ITPR2: variants seen among roughly 807,000 people sequenced by gnomAD.
ITPR2 encodes the protein inositol 1,4,5-trisphosphate-gated calcium channel ITPR2.
A neutral mutation model predicts 317.1 loss-of-function variants in ITPR2; 207 were observed. The observed-to-expected ratio is 0.65, with a 90% confidence interval of 0.58 to 0.73. The LOEUF (loss-of-function observed/expected upper bound fraction) is 0.73, where lower values mean the gene tolerates loss of function less well. Among genes scored for constraint, ITPR2 ranks in the 30% least tolerant of loss-of-function variants. ITPR2 has a pLI of 0.00. For missense variants in ITPR2, 2,613 were observed against 3,284.0 expected (o/e 0.80, Z 4.99); for synonymous variants, 1,156 against 1,149.1 (o/e 1.01, Z -0.12).
At chr12:26,718,509 A>G (rs1429534213) in intron 5 of ITPR2, among the ~76,000 whole-genome samples, 1 of 150,328 alleles carries the variant, frequency 6.7e-6, no homozygotes, top group Admixed American at 6.7e-5. Context: ...AAAACTGTAT[A>G]TATATATAAG....
intron 37 of ITPR2, among the ~76,000 whole-genome samples, chr12:26,506,573 C>T (rs988718365): frequency 6.7e-6 from 1 of 149,656 alleles, no homozygotes; most frequent in African/African-American, 2.5e-5. Context: ...TACCTATGGT[C>T]GGCTGAAAGA....
chr12:26,744,019 T>C (rs973682319), intron 2 of ITPR2, among the ~76,000 whole-genome samples: 1 of 152,236 alleles, frequency 6.6e-6, no homozygotes, highest in Admixed American at 6.5e-5. Flanking sequence ...CCATAATTTC[T>C]CTCCTGGCTG....
intron 26 of ITPR2, among the ~76,000 whole-genome samples, chr12:26,608,551 C>T (rs1352387852): frequency 1.3e-5 from 2 of 150,376 alleles, no homozygotes; most frequent in African/African-American, 4.9e-5. Context: ...AAGAGAGGAG[C>T]GCCTCTGCCT....
intron 37 of ITPR2, among the ~76,000 whole-genome samples, chr12:26,540,509 A>C (rs148471754): frequency 6.6e-6 from 1 of 152,108 alleles, no homozygotes; most frequent in East Asian, 1.9e-4. Context: ...TTCACCTACA[A>C]TCATTAGCTA....
chr12:26,666,244 GA>G (rs1377991090), intron 13 of ITPR2, among the ~76,000 whole-genome samples, 193 bp from the exon 14 acceptor site: 10 of 151,932 alleles, frequency 6.6e-5, no homozygotes, highest in Admixed American at 3.9e-4. Context: ...TGAAACACTT[GA>G]AAACAAGGTG....
chr12:26,546,446 T>C (rs939686006), intron 37 of ITPR2, among the ~76,000 whole-genome samples: 10 of 152,198 alleles, frequency 6.6e-5, no homozygotes, highest in Non-Finnish European at 1.5e-4. Context: ...CATGTAGTAT[T>C]TGTCTTTTTG....
intron 2 of ITPR2, among the ~76,000 whole-genome samples, chr12:26,744,021 T>C (rs1469796466): frequency 6.6e-6 from 1 of 152,210 alleles, no homozygotes; most frequent in African/African-American, 2.4e-5. Context: ...ATAATTTCTC[T>C]CCTGGCTGCA....
intron 13 of ITPR2, among the ~76,000 whole-genome samples, chr12:26,677,441 A>G (rs1276120465): frequency 1.3e-5 from 2 of 152,020 alleles, no homozygotes; most frequent in Admixed American, 6.6e-5. Context: ...CTCTAGAAAA[A>G]TCCAAAAAAT....
At chr12:26,421,417 C>T (rs1309073579) in intron 49 of ITPR2, 1 of 152,064 alleles carries the variant, frequency 6.6e-6, no homozygotes, top group Non-Finnish European at 1.5e-5. Context: ...ACTTGGTGTG[C>T]TTTTGTTTTA....
chr12:26,592,209 T>A (rs1945727216), intron 32 of ITPR2, among the ~76,000 whole-genome samples: 1 of 152,254 alleles, frequency 6.6e-6, no homozygotes, highest in Non-Finnish European at 1.5e-5. Flanking sequence ...TTGCAACAAC[T>A]AAATTCATGG....
intron 1 of ITPR2, among the ~76,000 whole-genome samples, chr12:26,802,102 T>C (rs1373231368): frequency 6.6e-6 from 1 of 151,982 alleles, no homozygotes; most frequent in African/African-American, 2.4e-5. Flanking sequence ...GAGTTAAAGA[T>C]CAGCCTTGGG....
At chr12:26,832,569 CG>C (rs1951133013) in intron 1 of ITPR2, 120 bp downstream of exon 1, 5 of 642,096 alleles carry the variant, frequency 7.8e-6, no homozygotes, top group Middle Eastern at 4.0e-4. Context: ...CCGCGGGCGC[CG>C]ACCCTGCCCG....
At position 26,487,176 on chromosome 12, in the gene ITPR2, C is replaced by G. The variant is rs776417053; in HGVS notation, c.5446G>C (p.Ala1816Pro). 1.2e-6 allele frequency: 2 copies of G among 1,613,136 alleles called. No individual in the cohort carries two copies. Among genetic ancestry groups the G allele is most frequent in the Admixed American group, 1.7e-5 (1 of 59,880 alleles). ...GTTGATCTTATTTCTTTCTGAGCAG[C>G]CTTCATTCGATCATAGAGAACTTTA... ...FFKVLYDRMK[A>P]AQKEIRSTVT... Residue 1816 changes from alanine to proline, a missense_variant, in exon 40 of 57, where the codon GCT (alanine) becomes CCT (proline). Ala to Pro is a conservative substitution (Grantham distance 27, BLOSUM62 -1). This residue lies in a region of ITPR2 where 926 missense variants were observed against 1,072.8 expected (regional missense o/e 0.86). Coordinates refer to ENST00000381340, the MANE Select transcript of ITPR2 (RefSeq NM_002223.4).
chr12:26,483,298 T>C (rs1942586879), intron 42 of ITPR2, among the ~76,000 whole-genome samples: 1 of 152,184 alleles, frequency 6.6e-6, no homozygotes, highest in Non-Finnish European at 1.5e-5. Context: ...ATCAGCAAAC[T>C]AGAAATAATG....
chr12:26,744,888 G>T (rs1949292306), intron 2 of ITPR2, among the ~76,000 whole-genome samples: 1 of 152,210 alleles, frequency 6.6e-6, no homozygotes, highest in Non-Finnish European at 1.5e-5. Context: ...GCTACTATGA[G>T]ATTTTAAAAG....
chr12:26,512,821 A>ATTT (rs371730693), intron 37 of ITPR2, among the ~76,000 whole-genome samples: 2 of 135,422 alleles, frequency 1.5e-5, no homozygotes, highest in African/African-American at 2.7e-5. Context: ...AAGGGAAACA[A>ATTT]TTTTTTTTTT....
chr12:26,415,724 T>C (rs910733970), intron 50 of ITPR2, among the ~76,000 whole-genome samples: 1 of 152,234 alleles, frequency 6.6e-6, no homozygotes, highest in Non-Finnish European at 1.5e-5. Flanking sequence ...ATAATGTGCA[T>C]CTGTTGGTTT....
chr12:26,407,666 A>T (rs1290875109), intron 52 of ITPR2, among the ~76,000 whole-genome samples: 1 of 152,210 alleles, frequency 6.6e-6, no homozygotes, highest in Non-Finnish European at 1.5e-5. Context: ...ATTTATAGTG[A>T]TCTTTTAATT....
rs146949223 is a variant in ITPR2 at position 26,602,235 on chromosome 12, T to A, written c.3678+135A>T. Reference sequence around the variant, plus strand: ...TTGTAGAAAACATACACAAAAGGGCTCAGGGGTGATGGGGCACCTGGTGGG... The same window carrying A: ...TTGTAGAAAACATACACAAAAGGGCACAGGGGTGATGGGGCACCTGGTGGG... On this transcript the variant is annotated intron_variant, in intron 28 of 56. Transcript: ENST00000381340. 96 of 817,278 alleles carry A rather than the reference T, an allele frequency of 1.2e-4. 1 individual carries two copies. The East Asian group carries it at 2.4e-3, about 20-fold the overall frequency. 50.6% of individuals were successfully genotyped at this position (817,278 alleles called of 1,614,324 possible).
Sources: gnomAD v4.1 joint callset for allele counts (sites outside exome capture counted in the v4.1 genomes callset) on GRCh38, gnomAD v4.1.1 for gene constraint, gnomAD v4.1.1 regional missense constraint, MANE v1.5 for transcripts, NCBI Gene and HGNC (gene_info 2026-07-23, HGNC 2026-07-21) for gene names.